THEM5: variants seen among roughly 807,000 people sequenced by gnomAD.
THEM5 encodes the protein acyl-coenzyme A thioesterase THEM5.
THEM5 carries 28 observed loss-of-function variants against 24.2 expected under a neutral mutation model. That is an observed-to-expected ratio of 1.16 (90% CI 0.86 to 1.59). THEM5 has a LOEUF of 1.59. THEM5 is among the 40% of genes most tolerant of loss of function. The pLI is 0.00. For synonymous variants in THEM5, 87 were observed against 114.5 expected (o/e 0.76, Z 1.53); for missense variants, 260 against 296.8 (o/e 0.88, Z 0.91).
intron 2 of THEM5, among the ~76,000 whole-genome samples, chr1:151,851,889 G>A (rs1217128779): frequency 6.6e-6 from 1 of 152,212 alleles, no homozygotes; most frequent in Non-Finnish European, 1.5e-5. Context: ...GGGCCTCAGT[G>A]GAAGGGGTGT....
intron 4 of THEM5, 59 bp downstream of exon 4, chr1:151,848,123 C>T: frequency 2.6e-6 from 4 of 1,565,044 alleles, no homozygotes; most frequent in Non-Finnish European, 2.6e-6. Flanking sequence ...CGAGGATGGC[C>T]ACTTCCAGGG....
chr1:151,847,467 C>G, intron 5 of THEM5, 53 bp from the exon 6 acceptor site: 1 of 1,609,572 alleles, frequency 6.2e-7, no homozygotes, highest in South Asian at 1.1e-5. Context: ...ATGGCTGGAG[C>G]TTGATGGACA....
At position 151,848,256 on chromosome 1, in the gene THEM5, G is replaced by A. The variant is rs372391484; in HGVS notation, c.501C>T (p.Asp167=). The stretch of plus-strand genomic sequence containing the variant: ...GGAAGGCAGTTTTAGAAAAGGTCTC[G>A]TCCATCATGGCTGCCAGGGACCCGC... ...AHGGSLAAMM[D]ETFSKTAFLA... The change falls in exon 4 of 6, where the codon GAC becomes GAT. Residue 167 remains aspartate, a synonymous_variant. Transcript: ENST00000368817. 2.4e-5 allele frequency: 39 copies of A among 1,614,200 alleles called. No individual in the cohort carries two copies. The highest frequency in any genetic ancestry group is 1.3e-4 in the South Asian group (12 of 91,082).
At chr1:151,851,630 A>G (rs1653130656) in intron 2 of THEM5, among the ~76,000 whole-genome samples, 1 of 152,160 alleles carries the variant, frequency 6.6e-6, no homozygotes, top group South Asian at 2.1e-4. Context: ...CTTTGAAAAA[A>G]AATTATGTTG....
chr1:151,851,161 C>T lies in THEM5; in HGVS notation c.356G>A (p.Cys119Tyr), dbSNP rs1279128602. The change falls in exon 3 of 6, where the codon TGC becomes TAC. Residue 119 changes from cysteine (C) to tyrosine (Y), a missense_variant. Transcript: ENST00000368817. ...DKGDCRIFTR[C>Y]IQVEGQGFEY... ...AAAGCCTTGTCCTTCCACTTGGATGCACCTGGTGAAGATGCGACAGTCACC... is the reference window on the plus strand; with the variant it reads ...AAAGCCTTGTCCTTCCACTTGGATGTACCTGGTGAAGATGCGACAGTCACC... 1 of 1,614,166 alleles carries T rather than the reference C, an allele frequency of 6.2e-7. No individual in the cohort carries two copies. The highest frequency in any genetic ancestry group is 8.5e-7 in the Non-Finnish European group (1 of 1,180,036).
Position 151,853,448 on chromosome 1 carries a change from A to G in THEM5, c.118T>C (p.Ser40Pro). ...TGGCTGAGCTGGGAACTCACCATGG[A>G]GTCTGTGGAGGATCCAAATGCTGAG... ...PASAFGSSTD[S>P]MFSRFLPEKT... Residue 40 changes from serine to proline, a missense_variant, in exon 1 of 6, where the codon TCC becomes CCC. Physicochemically the swap from Ser to Pro is moderately conservative, Grantham distance 74. Coordinates refer to ENST00000368817, the MANE Select transcript of THEM5 (RefSeq NM_182578.4). 3.7e-6 allele frequency: 6 copies of G among 1,613,282 alleles called. No individual in the cohort carries two copies. Among genetic ancestry groups the G allele is most frequent in the Non-Finnish European group, 5.1e-6 (6 of 1,179,590 alleles).
intron 3 of THEM5, among the ~76,000 whole-genome samples, chr1:151,849,450 G>A (rs1424597092): frequency 6.6e-6 from 1 of 152,090 alleles, no homozygotes; most frequent in Non-Finnish European, 1.5e-5. Context: ...GTGACCAGTG[G>A]CTTTTCCAGA....
chr1:151,851,185 C>T lies in THEM5; in HGVS notation c.332G>A (p.Gly111Asp), dbSNP rs761969999. 1 of 1,614,178 alleles carries T rather than the reference C, an allele frequency of 6.2e-7. No individual in the cohort carries two copies. Among genetic ancestry groups the T allele is most frequent in the South Asian group, 1.1e-5 (1 of 91,082 alleles). The change falls in exon 3 of 6, where the codon GGT becomes GAT. Residue 111 changes from glycine to aspartate, a missense_variant. Physicochemically the swap from Gly to Asp is moderately conservative, Grantham distance 94. Coordinates refer to ENST00000368817, the MANE Select transcript of THEM5 (RefSeq NM_182578.4). Reference sequence around the variant, plus strand: ...GCACCTGGTGAAGATGCGACAGTCACCTTTGTCTGGGGAGAGATAGGCAGT... The same window carrying T: ...GCACCTGGTGAAGATGCGACAGTCATCTTTGTCTGGGGAGAGATAGGCAGT... ...PSGLAVSSDK[G>D]DCRIFTRCIQ...
chr1:151,847,947 A>G (rs1652991235), intron 4 of THEM5, 85 bp from the exon 5 acceptor site: 1 of 1,588,310 alleles, frequency 6.3e-7, no homozygotes, highest in Non-Finnish European at 8.6e-7. Flanking sequence ...CCCTCTCTTC[A>G]TCCCTCCCGG....
chr1:151,847,475 A>G, intron 5 of THEM5, 61 bp from the exon 6 acceptor site: 1 of 1,605,280 alleles, frequency 6.2e-7, no homozygotes, highest in Non-Finnish European at 8.5e-7. Flanking sequence ...AGCTTGATGG[A>G]CACTCTGAGC....
chr1:151,851,320 C>T, intron 2 of THEM5, 129 bp from the exon 3 acceptor site: 1 of 1,235,596 alleles, frequency 8.1e-7, no homozygotes, highest in East Asian at 2.3e-5. Context: ...GGTCCACCCC[C>T]AGGGAGCCTT....
chr1:151,847,412 C>T lies in THEM5; in HGVS notation c.703G>A (p.Val235Ile). Residue 235 changes from valine to isoleucine, a missense_variant and splice_region_variant, in exon 6 of 6, where the codon GTT becomes ATT. Transcript: ENST00000368817. ...TCTTCCAACTGCAGCTGAAGGAAAA[C>T]ACCTGCAAGAGAAGGGTGAGTTGAG... is the stretch of plus-strand genomic sequence containing the variant. ...QQTVYAKSSG[V>I]FLQLQLEEES... 6.2e-7 allele frequency: 1 copy of T among 1,614,056 alleles called. No individual in the cohort carries two copies.
intron 5 of THEM5, 123 bp from the exon 6 acceptor site, chr1:151,847,537 G>T: frequency 7.0e-7 from 1 of 1,422,282 alleles, no homozygotes; most frequent in Non-Finnish European, 9.9e-7. Context: ...GTTACAGGTT[G>T]GATAACTCAT....
intron 3 of THEM5, among the ~76,000 whole-genome samples, chr1:151,849,720 A>G (rs923548): frequency 0.97 from 147,364 of 152,264 alleles, 71,486 homozygotes; most frequent in East Asian, 1. Context: ...AAGAACTCGA[A>G]ACCAACTCTC....
At chr1:151,850,974 A>G (rs1558181139) in intron 3 of THEM5, 79 bp downstream of exon 3, 10 of 1,566,178 alleles carry the variant, frequency 6.4e-6, no homozygotes, top group South Asian at 1.2e-5. Flanking sequence ...TAGAGACTCC[A>G]GGGCCAGCCT....
At chr1:151,852,940 T>C (rs1241577685) in intron 1 of THEM5, among the ~76,000 whole-genome samples, 3 of 152,198 alleles carry the variant, frequency 2.0e-5, no homozygotes, top group Admixed American at 6.5e-5. Context: ...CAGGGGCTAC[T>C]CCAGCTCTGC....
At chr1:151,851,563 AT>A (rs146688365) in intron 2 of THEM5, among the ~76,000 whole-genome samples, 8 of 150,758 alleles carry the variant, frequency 5.3e-5, no homozygotes, top group African/African-American at 9.7e-5. Context: ...CAAAGTTCTG[AT>A]TTTTTTTTTC....
intron 3 of THEM5, among the ~76,000 whole-genome samples, chr1:151,850,713 C>T (rs1653083384): frequency 6.6e-6 from 1 of 152,222 alleles, no homozygotes; most frequent in African/African-American, 2.4e-5. Flanking sequence ...CAGAGTCCCA[C>T]AGCCAGCAGC....
chr1:151,848,560 G>A (rs1653018074), intron 3 of THEM5, among the ~76,000 whole-genome samples: 1 of 152,186 alleles, frequency 6.6e-6, no homozygotes, highest in South Asian at 2.1e-4. Context: ...ATTTCATCAG[G>A]GAAATTGTTT....
Sources: gnomAD v4.1 joint callset for allele counts (sites outside exome capture counted in the v4.1 genomes callset) on GRCh38, gnomAD v4.1.1 for gene constraint, MANE v1.5 for transcripts, NCBI Gene and HGNC (gene_info 2026-07-23, HGNC 2026-07-21) for gene names.